Variants in STAT6 observed in about 807,000 individuals in gnomAD.
STAT6 encodes signal transducer and activator of transcription 6, also known as STAT, interleukin4-induced.
STAT6 carries 45 observed loss-of-function variants against 106.3 expected under a neutral mutation model. That is an observed-to-expected ratio of 0.42 (90% CI 0.33 to 0.54). STAT6 has a LOEUF of 0.54. Ranked by LOEUF, STAT6 falls within the 20% of genes least tolerant of loss-of-function variation. STAT6 has a pLI of 0.06. For missense variants in STAT6, 797 were observed against 1,062.2 expected (o/e 0.75, Z 3.47); for synonymous variants, 413 against 413.6 (o/e 1.00, Z 0.02).
In STAT6 at chr12:57,102,769, C is replaced by G. The variant is rs929689574; in HGVS notation, c.1305+60G>C. ...CACCACCCCATCAGCAGGCCTGCAC[C>G]ACTGCCCATGTTAGAACCCACCCTG... On this transcript the variant is annotated intron_variant, in intron 12 of 21. Coordinates refer to ENST00000300134, the MANE Select transcript of STAT6 (RefSeq NM_003153.5). 6.0e-5 allele frequency: 84 copies of G among 1,392,822 alleles called. No individual in the cohort carries two copies. The African/African-American group carries it at 1.1e-3, about 19-fold the overall frequency. The allele number at this position is 1,392,822 out of a possible 1,614,324, so 86.3% of individuals were successfully genotyped here.
Position 57,106,595 on chromosome 12 carries a change from CAG to C in STAT6, c.479-17_479-16del, listed in dbSNP as rs2034292179. The C allele has an allele frequency of 1.2e-6, 2 of 1,613,930 alleles. No homozygotes were observed. The highest frequency in any genetic ancestry group is 2.7e-5 in the African/African-American group (2 of 74,912). On this transcript the variant is annotated splice_polypyrimidine_tract_variant and intron_variant, in intron 5 of 21. Transcript: ENST00000300134. ...GTGCAGAGACACTGAGGGTTGGGGG[CAG>C]AAATCAAGGGTGCAGACAGATTAGA...
In STAT6 at chr12:57,105,562, G is replaced by C. The variant is rs781471458; in HGVS notation, c.718C>G (p.Gln240Glu). ...SLVDIYSQLQQEVGAAGGELE... is the reference protein window; with the variant it reads ...SLVDIYSQLQEEVGAAGGELE... ...TCCCCACCAGCCGCCCCTACCTCCT[G>C]CTGTAGCTGGGAATAAATGTCCACC... is the stretch of plus-strand genomic sequence containing the variant. Residue 240 changes from glutamine to glutamate, a missense_variant, in exon 8 of 22, where the codon CAG becomes GAG. Transcript: ENST00000300134. The C allele has an allele frequency of 6.2e-7, 1 of 1,613,978 alleles. No homozygotes were observed.
At chr12:57,110,571 G>A in intron 1 of STAT6, 1 of 152,212 alleles carries the variant, frequency 6.6e-6, no homozygotes. Context: ...GGGAGGTGGA[G>A]CCAGTTCAGC....
intron 13 of STAT6, chr12:57,100,789 T>C: frequency 2.5e-6 from 1 of 406,450 alleles, no homozygotes; most frequent in Admixed American, 3.2e-5. Flanking sequence ...TAATATAACA[T>C]AAAATAAAAG....
chr12:57,101,035 T>C (rs1454023231), intron 13 of STAT6: 2 of 226,176 alleles, frequency 8.8e-6, no homozygotes, highest in African/African-American at 4.7e-5. Context: ...TTACTGCACA[T>C]GTCCCTGTGG....
chr12:57,105,450 G>T lies in STAT6; in HGVS notation c.812+18C>A. 6.2e-7 allele frequency: 1 copy of T among 1,613,806 alleles called. No homozygotes were observed. The highest frequency in any genetic ancestry group is 8.5e-7 in the Non-Finnish European group (1 of 1,179,858). The stretch of plus-strand genomic sequence containing the variant: ...CCGAGGTCTGTTCTAGGCCAGACTG[G>T]GAGCTCCCGGGGAATACCTGGTGAC... On this transcript the variant is annotated intron_variant, in intron 8 of 21. Transcript: ENST00000300134.
intron 7 of STAT6, 88 bp from the exon 8 acceptor site, chr12:57,105,687 CTATCA>C: frequency 6.6e-7 from 1 of 1,504,924 alleles, no homozygotes; most frequent in East Asian, 2.4e-5. Context: ...GGGAGAAAGG[CTATCA>C]TGTGTGGAGA....
Position 57,098,829 on chromosome 12 carries a change from C to T in STAT6, c.2029G>A (p.Asp677Asn). 5 of 1,613,328 alleles carry T rather than the reference C, an allele frequency of 3.1e-6. No homozygotes were observed. Among genetic ancestry groups the T allele is most frequent in the African/African-American group, 1.3e-5 (1 of 74,994 alleles). ...VPSYDLGMAP[D>N]SSMSMQLGPD... The stretch of plus-strand genomic sequence containing the variant: ...CCAAGCTGCATGCTCATGGAGGAAT[C>T]AGGGGCCATTCCAAGGTCATAAGAA... The change falls in exon 18 of 22, where the codon GAT (aspartate) becomes AAT (asparagine). Residue 677 changes from aspartate (D) to asparagine (N), a missense_variant. Asp to Asn is a conservative substitution (Grantham distance 23, BLOSUM62 1). Coordinates refer to ENST00000300134, the MANE Select transcript of STAT6 (RefSeq NM_003153.5).
chr12:57,104,148 A>G (rs1204980914), intron 11 of STAT6: 5 of 332,614 alleles, frequency 1.5e-5, no homozygotes, highest in Admixed American at 4.5e-5. Flanking sequence ...TGAGGCTGAT[A>G]ATACTGCCTA....
rs1172839617 is a variant in STAT6 at position 57,096,525 on chromosome 12, G to C, written c.*47C>G. The C allele has an allele frequency of 1.3e-6, 2 of 1,520,122 alleles. No homozygotes were observed. The highest frequency in any genetic ancestry group is 1.3e-5 in the South Asian group (1 of 76,902). The allele number at this position is 1,520,122 out of a possible 1,614,324, so 94.2% of individuals were successfully genotyped here. A position where few individuals can be genotyped will look rare whatever the true frequency, so the allele number is the denominator to read the frequency against. ...GAGCAAGTGTCCAGAGCAGGTCTGTGGGGGTAGTAGAAGAGCTGTCTCTTT... is the reference window on the plus strand; with the variant it reads ...GAGCAAGTGTCCAGAGCAGGTCTGTCGGGGTAGTAGAAGAGCTGTCTCTTT... On this transcript the variant is annotated 3_prime_UTR_variant, in exon 22 of 22. Transcript: ENST00000300134.
intron 18 of STAT6, 89 bp from the exon 19 acceptor site, chr12:57,098,686 A>C (rs1263533814): frequency 6.4e-7 from 1 of 1,562,108 alleles, no homozygotes; most frequent in African/African-American, 1.4e-5. Flanking sequence ...TCTCATGGAA[A>C]GGAAGATTCC....
chr12:57,103,066 G>T, intron 11 of STAT6, 145 bp from the exon 12 acceptor site: 1 of 569,468 alleles, frequency 1.8e-6, no homozygotes, highest in Non-Finnish European at 2.9e-6. Context: ...TGCAATCTCA[G>T]CTCACTGCAG....
At chr12:57,110,638 A>G (rs2034528808) in intron 1 of STAT6, 1 of 152,224 alleles carries the variant, frequency 6.6e-6, no homozygotes, top group African/African-American at 2.4e-5. Flanking sequence ...ACAGCAGCCA[A>G]GCGTGGAGCA....
At chr12:57,106,408 CTTT>C in intron 6 of STAT6, 69 bp from the exon 7 acceptor site, 1 of 1,608,762 alleles carries the variant, frequency 6.2e-7, no homozygotes, top group Non-Finnish European at 8.5e-7. Flanking sequence ...GGATACGGCT[CTTT>C]TTCTCACTCC....
Position 57,106,241 on chromosome 12 carries a change from C to T in STAT6, c.630G>A (p.Leu210=), listed in dbSNP as rs1192020290. 6.2e-7 allele frequency: 1 copy of T among 1,614,122 alleles called. No homozygotes were observed. The highest frequency in any genetic ancestry group is 1.7e-5 in the Admixed American group (1 of 60,012). ...RIQIWKRQQQ[L]AGNGAPFEES... ...CCTCAAACGGTGCGCCATTCCCTGC[C>T]AGCTGCTGCTGCCGTTTCCAAATCT... Residue 210 remains leucine (L), a synonymous_variant, in exon 7 of 22, where the codon CTG becomes CTA. Coordinates refer to ENST00000300134, the MANE Select transcript of STAT6 (RefSeq NM_003153.5).
chr12:57,099,843 G>A lies in STAT6; in HGVS notation c.1668C>T (p.Asp556=), dbSNP rs200320498. Residue 556 remains aspartate, a synonymous_variant, in exon 15 of 22, where the codon GAC becomes GAT. Transcript: ENST00000300134. This position sits in a 1 kb window ranked among gnomAD's most constrained non-coding sequence, Gnocchi z 4.7. ...YVTSLLLNEP[D]GTFLLRFSDS... Reference sequence around the variant, plus strand: ...CGCTGAAGCGGAGGAGAAAGGTTCCGTCGGGCTCATTGAGAAGAAGGCTAG... The same window carrying A: ...CGCTGAAGCGGAGGAGAAAGGTTCCATCGGGCTCATTGAGAAGAAGGCTAG... The A allele has an allele frequency of 9.8e-5, 159 of 1,614,230 alleles. No homozygotes were observed. The South Asian group carries it at 1.3e-3, about 13-fold the overall frequency.
Position 57,102,440 on chromosome 12 carries a change from A to T in STAT6, c.1362T>A (p.Thr454=). Residue 454 remains threonine, a synonymous_variant, in exon 13 of 22, where the codon ACT becomes ACA. Coordinates refer to ENST00000300134, the MANE Select transcript of STAT6 (RefSeq NM_003153.5). ...ERVPWEKMCE[T]LNLKFMAEVG... is the part of the protein sequence containing the mutation. ...CCTCAGCCATGAACTTCAGGTTCAGAGTTTCACACATCTTCTCCCAGGGCA... is the reference window on the plus strand; with the variant it reads ...CCTCAGCCATGAACTTCAGGTTCAGTGTTTCACACATCTTCTCCCAGGGCA... 6.2e-7 allele frequency: 1 copy of T among 1,614,072 alleles called. No individual in the cohort carries two copies. The highest frequency in any genetic ancestry group is 8.5e-7 in the Non-Finnish European group (1 of 1,180,020).
At chr12:57,101,424 G>T (rs976180027) in intron 13 of STAT6, among the ~76,000 whole-genome samples, 5 of 146,456 alleles carry the variant, frequency 3.4e-5, no homozygotes, top group Non-Finnish European at 6.0e-5. Context: ...TCTTGCCCAG[G>T]CTGGAGTGCA....
rs2033724943 is a variant in STAT6 at position 57,100,109 on chromosome 12, A to C, written c.1513-19T>G. 40 of 1,575,232 alleles carry C rather than the reference A, an allele frequency of 2.5e-5. No homozygotes were observed. Among genetic ancestry groups the C allele is most frequent in the Non-Finnish European group, 3.4e-5 (40 of 1,160,458 alleles). On this transcript the variant is annotated intron_variant, in intron 13 of 21. Coordinates refer to ENST00000300134, the MANE Select transcript of STAT6 (RefSeq NM_003153.5). ...GGATCTCCTAGGGGGAGAGGGGGAAAGGTGTGAGCCGAGGGAGGGCCAGAG... is the reference window on the plus strand; with the variant it reads ...GGATCTCCTAGGGGGAGAGGGGGAACGGTGTGAGCCGAGGGAGGGCCAGAG...
Sources: allele counts gnomAD v4.1 joint callset (sites outside exome capture counted in the v4.1 genomes callset), GRCh38; gene constraint gnomAD v4.1.1; non-coding constraint Gnocchi (gnomAD v3.1); transcripts MANE v1.5; gene names NCBI Gene and HGNC (gene_info 2026-07-23, HGNC 2026-07-21).